Variants in RXRA observed in about 807,000 individuals in gnomAD.
RXRA encodes retinoic acid receptor RXR-alpha.
In RXRA, 5 loss-of-function variants were observed where a neutral mutation model predicts 44.5. The ratio of observed to expected loss-of-function variants is 0.11; its 90% confidence interval spans 0.06 to 0.24. RXRA has a LOEUF of 0.24. RXRA is among the 10% of genes least tolerant of loss of function. The pLI is 1.00. For synonymous variants in RXRA, 291 were observed against 271.4 expected, an observed-to-expected ratio of 1.07 and a Z score of -0.71; for missense variants, 412 against 646.5, an observed-to-expected ratio of 0.64 and a Z score of 3.93.
intron 1 of RXRA, among the ~76,000 whole-genome samples, chr9:134,396,863 C>T (rs1488364017): frequency 2.0e-5 from 3 of 152,210 alleles, no homozygotes; most frequent in African/African-American, 4.8e-5. Flanking sequence ...CAGACCCTGC[C>T]GCGATTGGCC....
intron 1 of RXRA, among the ~76,000 whole-genome samples, chr9:134,377,496 C>T (rs79504554): frequency 0.011 from 1,648 of 152,286 alleles, 27 homozygotes; most frequent in African/African-American, 0.037. Context: ...GGAAGGCATG[C>T]GTGTCCTTCC....
rs1450415895 is a variant in RXRA, at chr9:134,349,536, G to C, written c.28+22877G>C. Among the ~76,000 whole-genome samples the C allele has an allele frequency of 6.6e-6, 1 of 152,158 alleles. No homozygotes were observed. The highest frequency in any genetic ancestry group is 2.1e-4 in the South Asian group (1 of 4,830). ...CGGCCCTGAAGCTCGTGGCGGGCAG[G>C]AGTGTGCACGGACAGGGACCCAGCA... On this transcript the variant is annotated intron_variant, in intron 1 of 9. Transcript: ENST00000481739. This position sits in a 1 kb window ranked among gnomAD's most constrained non-coding sequence, Gnocchi z 4.3.
intron 1 of RXRA, among the ~76,000 whole-genome samples, chr9:134,397,710 C>T (rs984271651): frequency 2.0e-5 from 3 of 152,284 alleles, no homozygotes; most frequent in East Asian, 1.9e-4. Context: ...TAAGTGGGCA[C>T]GGTGGGTGTA....
intron 1 of RXRA, among the ~76,000 whole-genome samples, chr9:134,337,109 G>A (rs531835200): frequency 3.0e-4 from 45 of 152,324 alleles, no homozygotes; most frequent in African/African-American, 1.1e-3. Context: ...CCGGCTGCTG[G>A]ACAGAGCCTG....
At chr9:134,368,120 G>A (rs1043644798) in intron 1 of RXRA, among the ~76,000 whole-genome samples, 3 of 152,222 alleles carry the variant, frequency 2.0e-5, no homozygotes, top group South Asian at 4.1e-4. Flanking sequence ...CCCTCCCCCC[G>A]GGACTCCCTG....
At position 134,429,128 on chromosome 9, in the gene RXRA, G is replaced by A; in HGVS notation, c.931G>A (p.Ala311Thr). The A allele has an allele frequency of 1.2e-6, 2 of 1,612,976 alleles. No individual in the cohort carries two copies. Among genetic ancestry groups the A allele is most frequent in the Non-Finnish European group, 8.5e-7 (1 of 1,179,964 alleles). ...LRAGWNELLI[A>T]SFSHRSIAVK... ...CCCAGGCTGGAATGAGCTGCTCATC[G>A]CCTCCTTCTCCCACCGCTCCATCGC... Residue 311 changes from alanine (A) to threonine (T), a missense_variant, in exon 7 of 10, where the codon GCC becomes ACC. By Grantham distance (58) the Ala-to-Thr change is moderately conservative. Around this residue, in one of 4 missense-constraint regions of RXRA, gnomAD observed 141 missense variants for 270.8 expected, o/e 0.52. Transcript: ENST00000481739.
At chr9:134,414,802 A>G (rs1274686388) in intron 4 of RXRA, among the ~76,000 whole-genome samples, 3 of 152,174 alleles carry the variant, frequency 2.0e-5, no homozygotes, top group Non-Finnish European at 4.4e-5. Context: ...ATGCTGGCTG[A>G]GATCTGCGTG....
intron 1 of RXRA, 28 bp downstream of exon 1, chr9:134,326,687 CG>C: frequency 2.6e-6 from 2 of 772,210 alleles, no homozygotes; most frequent in Non-Finnish European, 3.1e-6. Flanking sequence ...CGGGCGGGGA[CG>C]GGGCCGGGGG....
chr9:134,343,388 G>C lies in RXRA; in HGVS notation c.28+16729G>C, dbSNP rs1830109749. Reference sequence around the variant, plus strand: ...CTGGGAGGAGGAGTTTCTTCTTCTGGGTTCTGGGGGTTCATGCAGGATTGC... The same window carrying C: ...CTGGGAGGAGGAGTTTCTTCTTCTGCGTTCTGGGGGTTCATGCAGGATTGC... On this transcript the variant is annotated intron_variant, in intron 1 of 9. Coordinates refer to ENST00000481739, the MANE Select transcript of RXRA (RefSeq NM_002957.6). The surrounding 1 kb of genome is among the most constrained non-coding windows in gnomAD (Gnocchi z 4.1). Among the ~76,000 whole-genome samples the C allele has an allele frequency of 6.6e-6, 1 of 152,092 alleles. No homozygotes were observed. The highest frequency in any genetic ancestry group is 6.5e-5 in the Admixed American group (1 of 15,280).
chr9:134,425,555 G>T, intron 6 of RXRA: 3 of 741,068 alleles, frequency 4.0e-6, no homozygotes, highest in East Asian at 2.7e-4. Context: ...GTGGGGGGTG[G>T]GGGGGGGTGA....
intron 1 of RXRA, among the ~76,000 whole-genome samples, chr9:134,352,018 C>A (rs1240300019): frequency 6.6e-6 from 1 of 152,194 alleles, no homozygotes; most frequent in Non-Finnish European, 1.5e-5. Context: ...CTGCATGGGT[C>A]ATGGTGCTGG....
intron 1 of RXRA, among the ~76,000 whole-genome samples, chr9:134,350,803 G>A (rs1360647520): frequency 2.0e-5 from 3 of 152,254 alleles, no homozygotes; most frequent in African/African-American, 4.8e-5. Flanking sequence ...CCCACTGCAC[G>A]AGGAGATGCA....
intron 1 of RXRA, among the ~76,000 whole-genome samples, chr9:134,376,777 G>C (rs1830563257): frequency 6.6e-6 from 1 of 152,200 alleles, no homozygotes; most frequent in East Asian, 1.9e-4. Flanking sequence ...GCTCCTTGCA[G>C]CTGAGACCAG....
chr9:134,382,554 T>C (rs1438098893), intron 1 of RXRA, among the ~76,000 whole-genome samples: 1 of 152,106 alleles, frequency 6.6e-6, no homozygotes, highest in African/African-American at 2.4e-5. Flanking sequence ...CTGGACACCA[T>C]GGGCCTCTGT....
intron 1 of RXRA, among the ~76,000 whole-genome samples, chr9:134,395,639 G>GC (rs1312390519): frequency 1.3e-5 from 2 of 152,226 alleles, no homozygotes; most frequent in African/African-American, 4.8e-5. Context: ...CCATGTTCCC[G>GC]CAGGTGGGTG....
rs1830118292 is a variant in RXRA, at chr9:134,343,936, G to A, written c.28+17277G>A. 6.6e-6 allele frequency among the ~76,000 whole-genome samples: 1 copy of A among 152,136 alleles called. No homozygotes were observed. Among genetic ancestry groups the A allele is most frequent in the Non-Finnish European group, 1.5e-5 (1 of 68,014 alleles). On this transcript the variant is annotated intron_variant, in intron 1 of 9. Coordinates refer to ENST00000481739, the MANE Select transcript of RXRA (RefSeq NM_002957.6). This position sits in a 1 kb window ranked among gnomAD's most constrained non-coding sequence, Gnocchi z 4.1. Reference sequence around the variant, plus strand: ...CCTCGTGGCCCTACCACAGTGGGGTGGGCATCTCCCCATAGGCCCTCCCCA... The same window carrying A: ...CCTCGTGGCCCTACCACAGTGGGGTAGGCATCTCCCCATAGGCCCTCCCCA...
At chr9:134,419,568 G>A (rs185835526) in intron 5 of RXRA, among the ~76,000 whole-genome samples, 2 of 152,328 alleles carry the variant, frequency 1.3e-5, no homozygotes, top group East Asian at 3.9e-4. Context: ...CAGAGAGGGG[G>A]CGACCTGCCC....
At chr9:134,393,192 A>G (rs1390227464) in intron 1 of RXRA, among the ~76,000 whole-genome samples, 2 of 152,152 alleles carry the variant, frequency 1.3e-5, no homozygotes, top group Admixed American at 6.5e-5. Flanking sequence ...GCCTAAAGCC[A>G]TGAGCGACCT....
In RXRA at chr9:134,407,213, C is replaced by T. The variant is rs944288409; in HGVS notation, c.280-936C>T. On this transcript the variant is annotated intron_variant, in intron 2 of 9. Coordinates refer to ENST00000481739, the MANE Select transcript of RXRA (RefSeq NM_002957.6). The surrounding 1 kb of genome is among the most constrained non-coding windows in gnomAD (Gnocchi z 4.8). Reference sequence around the variant, plus strand: ...TGGTTTCTGCTTTGCTTGCATTGAGCCTCAAACTCTTCCTGTCCCGTGAGA... The same window carrying T: ...TGGTTTCTGCTTTGCTTGCATTGAGTCTCAAACTCTTCCTGTCCCGTGAGA... Among the ~76,000 whole-genome samples the T allele has an allele frequency of 6.6e-6, 1 of 152,234 alleles. No individual in the cohort carries two copies. The highest frequency in any genetic ancestry group is 1.5e-5 in the Non-Finnish European group (1 of 68,044).
Sources: allele counts gnomAD v4.1 joint callset (sites outside exome capture counted in the v4.1 genomes callset), GRCh38; gene constraint gnomAD v4.1.1; regional missense constraint gnomAD v4.1.1; non-coding constraint Gnocchi (gnomAD v3.1); transcripts MANE v1.5; gene names NCBI Gene and HGNC (gene_info 2026-07-23, HGNC 2026-07-21).